Variants in ZNF710 observed in about 807,000 individuals in gnomAD.
ZNF710 encodes zinc finger protein 710.
Under a neutral mutation model 50.6 loss-of-function variants are expected in ZNF710, and 13 were observed. The observed-to-expected ratio is 0.26, with a 90% CI of 0.17 to 0.41. The LOEUF is 0.41. Ranked by LOEUF, ZNF710 falls within the 10% of genes least tolerant of loss-of-function variation. ZNF710 has a pLI of 1.00. For synonymous variants in ZNF710, 383 were observed against 397.0 expected (o/e 0.96, Z 0.42); for missense variants, 721 against 936.6 (o/e 0.77, Z 3.01).
At chr15:90,048,595 C>T (rs117859329) in intron 1 of ZNF710, among the ~76,000 whole-genome samples, 94 of 152,278 alleles carry the variant, frequency 6.2e-4, no homozygotes, top group Non-Finnish European at 1.2e-3. Context: ...ATCTGAGCTG[C>T]GTTTGTTTGC....
At position 90,067,713 on chromosome 15, in the gene ZNF710, G is replaced by T. The variant is rs767428604; in HGVS notation, c.576G>T (p.Pro192=). The change falls in exon 2 of 5, where the codon CCG becomes CCT. Residue 192 remains proline, a synonymous_variant. Coordinates refer to ENST00000268154, the MANE Select transcript of ZNF710 (RefSeq NM_198526.4). The surrounding 1 kb of genome is among the most constrained non-coding windows in gnomAD (Gnocchi z 8.1). ...LNVAPYDPHF[P]APARDGFPEP... is the part of the protein sequence containing the mutation. ...TGGCCCCATATGACCCTCACTTCCCGGCCCCGGCCCGGGATGGCTTCCCCG... is the reference window on the plus strand; with the variant it reads ...TGGCCCCATATGACCCTCACTTCCCTGCCCCGGCCCGGGATGGCTTCCCCG... 1.9e-6 allele frequency: 3 copies of T among 1,606,884 alleles called. No individual in the cohort carries two copies. Among genetic ancestry groups the T allele is most frequent in the African/African-American group, 2.7e-5 (2 of 74,790 alleles).
chr15:90,023,675 C>A (rs1898688283), intron 1 of ZNF710, among the ~76,000 whole-genome samples: 1 of 151,964 alleles, frequency 6.6e-6, no homozygotes, highest in African/African-American at 2.4e-5. Context: ...CAGAGTGAGA[C>A]CCCAACTCTA....
At position 90,034,999 on chromosome 15, in the gene ZNF710, G is replaced by C. The variant is rs532838754; in HGVS notation, c.-28-32111G>C. On this transcript the variant is annotated intron_variant, in intron 1 of 4. Transcript: ENST00000268154. This position sits in a 1 kb window ranked among gnomAD's most constrained non-coding sequence, Gnocchi z 4.0. Reference sequence around the variant, plus strand: ...GGTGTCTGGAGGGCCTCTGCCTTCCGTCATCAGAAGGAGGTTCTAGCAAGG... The same window carrying C: ...GGTGTCTGGAGGGCCTCTGCCTTCCCTCATCAGAAGGAGGTTCTAGCAAGG... Among the ~76,000 whole-genome samples, 16 of 152,240 alleles carry C rather than the reference G, an allele frequency of 1.1e-4. No homozygotes were observed. The highest frequency in any genetic ancestry group is 2.0e-4 in the Admixed American group (3 of 15,282).
intron 1 of ZNF710, among the ~76,000 whole-genome samples, chr15:90,003,513 G>C (rs757731538): frequency 6.6e-6 from 1 of 152,112 alleles, no homozygotes; most frequent in Admixed American, 6.5e-5. Context: ...AGGGCTGGGG[G>C]TCTGTGTCCC....
chr15:90,027,478 A>G (rs1898814051), intron 1 of ZNF710, among the ~76,000 whole-genome samples: 1 of 152,094 alleles, frequency 6.6e-6, no homozygotes, highest in Non-Finnish European at 1.5e-5. Flanking sequence ...CCAAAGTGCT[A>G]GGATTATAGA....
intron 1 of ZNF710, among the ~76,000 whole-genome samples, chr15:90,039,361 G>A (rs986623188): frequency 6.6e-6 from 1 of 151,966 alleles, no homozygotes; most frequent in African/African-American, 2.4e-5. Context: ...TCTTCATTTC[G>A]TGGGTGGGAT....
chr15:90,026,897 A>G (rs1229588766), intron 1 of ZNF710, among the ~76,000 whole-genome samples: 2 of 152,214 alleles, frequency 1.3e-5, no homozygotes, highest in Admixed American at 1.3e-4. Flanking sequence ...AAATATTTCA[A>G]ACCAATAACC....
Position 90,010,128 on chromosome 15 carries a change from G to A in ZNF710, c.-29+8514G>A, listed in dbSNP as rs1898259474. On this transcript the variant is annotated intron_variant, in intron 1 of 4. Coordinates refer to ENST00000268154, the MANE Select transcript of ZNF710 (RefSeq NM_198526.4). Reference sequence around the variant, plus strand: ...TGCTACTTGCTTACCTACCATGACTGTGGTTTCAGCCTGTATAGGACTCTT... The same window carrying A: ...TGCTACTTGCTTACCTACCATGACTATGGTTTCAGCCTGTATAGGACTCTT... Among the ~76,000 whole-genome samples the A allele has an allele frequency of 2.0e-5, 3 of 152,202 alleles. No individual in the cohort carries two copies. In the South Asian group the frequency reaches 6.2e-4, roughly 32 times the overall value.
chr15:90,079,599 G>T, intron 4 of ZNF710, 61 bp from the exon 5 acceptor site: 2 of 1,584,338 alleles, frequency 1.3e-6, no homozygotes, highest in Non-Finnish European at 1.7e-6. Flanking sequence ...CTTCCTGCGT[G>T]GGGGTGACTG....
intron 1 of ZNF710, among the ~76,000 whole-genome samples, chr15:90,032,751 C>T (rs1031876461): frequency 1.3e-4 from 18 of 139,432 alleles, no homozygotes. Flanking sequence ...GCACTCCAGC[C>T]TGGGCAAGAG....
chr15:90,056,910 G>T (rs1023142545), intron 1 of ZNF710, among the ~76,000 whole-genome samples: 1 of 152,156 alleles, frequency 6.6e-6, no homozygotes, highest in Non-Finnish European at 1.5e-5. Context: ...GCTAAGGGGG[G>T]TTGATTGCCA....
In ZNF710 at chr15:90,062,913, T is replaced by A. The variant is rs1900054813; in HGVS notation, c.-28-4197T>A. Among the ~76,000 whole-genome samples, 1 of 152,096 alleles carries A rather than the reference T, an allele frequency of 6.6e-6. No homozygotes were observed. The highest frequency in any genetic ancestry group is 2.4e-5 in the African/African-American group (1 of 41,422). On this transcript the variant is annotated intron_variant, in intron 1 of 4. Coordinates refer to ENST00000268154, the MANE Select transcript of ZNF710 (RefSeq NM_198526.4). The surrounding 1 kb of genome is among the most constrained non-coding windows in gnomAD (Gnocchi z 5.6). ...AACATGGACACGGGGCCTGCCCCCA[T>A]AAGCCTCACAAAGAGAGCATTACAG...
At chr15:90,031,807 C>T (rs1311104983) in intron 1 of ZNF710, among the ~76,000 whole-genome samples, 1 of 152,202 alleles carries the variant, frequency 6.6e-6, no homozygotes, top group African/African-American at 2.4e-5. Context: ...GTGCCTGCAC[C>T]TTAAAATACC....
At chr15:90,045,817 G>C (rs1303083577) in intron 1 of ZNF710, among the ~76,000 whole-genome samples, 1 of 152,152 alleles carries the variant, frequency 6.6e-6, no homozygotes, top group Non-Finnish European at 1.5e-5. Context: ...GTGCATGAAA[G>C]CTTTGAGCTG....
intron 2 of ZNF710, 101 bp from the exon 3 acceptor site, chr15:90,072,970 T>C (rs1900443523): frequency 2.2e-5 from 27 of 1,236,284 alleles, no homozygotes; most frequent in Non-Finnish European, 3.0e-5. Context: ...AAGTGTGCCT[T>C]TGTGATGCTA....
chr15:90,065,252 C>CGGA (rs1567239631), intron 1 of ZNF710, among the ~76,000 whole-genome samples: 1 of 152,142 alleles, frequency 6.6e-6, no homozygotes, highest in Non-Finnish European at 1.5e-5. Flanking sequence ...ACGCCTTGCC[C>CGGA]GGAGCCGGTT....
chr15:90,060,625 A>G (rs561548882), intron 1 of ZNF710, among the ~76,000 whole-genome samples: 1 of 152,248 alleles, frequency 6.6e-6, no homozygotes, highest in Non-Finnish European at 1.5e-5. Flanking sequence ...AGGACGAGGC[A>G]GGTGGATCAC....
intron 1 of ZNF710, among the ~76,000 whole-genome samples, chr15:90,023,501 G>A (rs531084105): frequency 1.3e-5 from 2 of 152,302 alleles, no homozygotes; most frequent in African/African-American, 4.8e-5. Context: ...GTGCCTGTAG[G>A]TGGCATCAAA....
chr15:90,029,287 G>A (rs1390568489), intron 1 of ZNF710, among the ~76,000 whole-genome samples: 3 of 152,194 alleles, frequency 2.0e-5, no homozygotes, highest in African/African-American at 7.2e-5. Context: ...CCAGCCAGGT[G>A]TGTGTCATGG....
Sources: allele counts gnomAD v4.1 joint callset (sites outside exome capture counted in the v4.1 genomes callset), GRCh38; gene constraint gnomAD v4.1.1; non-coding constraint Gnocchi (gnomAD v3.1); transcripts MANE v1.5; gene names NCBI Gene and HGNC (gene_info 2026-07-23, HGNC 2026-07-21).